Variants in SP140 observed in about 807,000 individuals in gnomAD.
The protein encoded by SP140 is nuclear body protein SP140.
In SP140, 81 loss-of-function variants were observed where a neutral mutation model predicts 125.0. The observed-to-expected ratio is 0.65, with a 90% CI of 0.54 to 0.78. The LOEUF (loss-of-function observed/expected upper bound fraction) is 0.78, where lower values mean the gene tolerates loss of function less well. Among genes scored for constraint, SP140 ranks in the 30% least tolerant of loss-of-function variants. The pLI is 0.00. For missense variants in SP140, 858 were observed against 1,037.0 expected, an observed-to-expected ratio of 0.83 and a Z score of 2.37; for synonymous variants, 312 against 354.0, an observed-to-expected ratio of 0.88 and a Z score of 1.33.
upstream of SP140, chr2:230,202,574 C>T: frequency 6.2e-7 from 1 of 1,613,794 alleles, no homozygotes. Flanking sequence ...CATCATCAGC[C>T]TTACCCTCTG....
At chr2:230,251,368 A>G (rs2050335986) in intron 10 of SP140, among the ~76,000 whole-genome samples, 1 of 152,172 alleles carries the variant, frequency 6.6e-6, no homozygotes, top group Non-Finnish European at 1.5e-5. Context: ...CATGCCTATT[A>G]ATACTGAAGC....
chr2:230,313,697 C>T (rs376849854), downstream of SP140, among the ~76,000 whole-genome samples: 2 of 152,162 alleles, frequency 1.3e-5, no homozygotes, highest in African/African-American at 2.4e-5. Flanking sequence ...CCCCAGGAAG[C>T]GAGCTCTGAG....
downstream of SP140, among the ~76,000 whole-genome samples, chr2:230,316,558 A>G (rs1467966921): frequency 6.6e-6 from 1 of 152,248 alleles, no homozygotes; most frequent in Non-Finnish European, 1.5e-5. Flanking sequence ...ATCAATAAAT[A>G]CAGCTCTACA....
upstream of SP140, among the ~76,000 whole-genome samples, chr2:230,221,370 A>G (rs1311834464): frequency 2.0e-5 from 3 of 152,236 alleles, no homozygotes; most frequent in African/African-American, 7.2e-5. Flanking sequence ...CTACCAGGAC[A>G]TCCACAAACT....
chr2:230,266,060 C>G (rs1349657244), intron 12 of SP140, among the ~76,000 whole-genome samples: 1 of 152,076 alleles, frequency 6.6e-6, no homozygotes, highest in Non-Finnish European at 1.5e-5. Flanking sequence ...ATATTTGGGT[C>G]AAATGTAGGG....
intron 15 of SP140, among the ~76,000 whole-genome samples, chr2:230,280,889 G>GT (rs551289485): frequency 2.9e-4 from 44 of 151,956 alleles, no homozygotes; most frequent in Non-Finnish European, 5.9e-4. Flanking sequence ...TAAATTCTTT[G>GT]TTTTTTCTAG....
upstream of SP140, among the ~76,000 whole-genome samples, chr2:230,225,228 T>C (rs10209615): frequency 0.13 from 20,410 of 152,238 alleles, 1,529 homozygotes; most frequent in Middle Eastern, 0.23. Flanking sequence ...ACCTCATTTC[T>C]CTGCCCAACC....
At chr2:230,272,700 A>C (rs1393093185) in intron 15 of SP140, among the ~76,000 whole-genome samples, 1 of 152,186 alleles carries the variant, frequency 6.6e-6, no homozygotes, top group African/African-American at 2.4e-5. Context: ...ATGAAAACAG[A>C]CTAATACAGT....
rs747707601 is a variant in SP140 at position 230,243,789 on chromosome 2, C to T, written c.549C>T (p.Ser183=). The change falls in exon 5 of 27, where the codon AGC becomes AGT. Residue 183 remains serine, a synonymous_variant. Transcript: ENST00000392045. ...DDIAVPQEAL[S]SSPRCEPGFS... ...TAGCAGTGCCTCAGGAAGCCTTGAG[C>T]TCCTCGCCAAGGTGTGAGCCAGGTA... 4 of 1,612,466 alleles carry T rather than the reference C, an allele frequency of 2.5e-6. No homozygotes were observed. The South Asian group carries it at 3.3e-5, about 13-fold the overall frequency.
chr2:230,249,349 CAG>C lies in SP140; in HGVS notation c.976+383_976+384del, dbSNP rs138495778. On this transcript the variant is annotated intron_variant, in intron 9 of 26. Coordinates refer to ENST00000392045, the MANE Select transcript of SP140 (RefSeq NM_007237.5). ...CCTACTTCCAGAAGGATCTGGAGCACAGACATGTTTTGTGAAAGACCGAAGGC... is the reference window on the plus strand; with the variant it reads ...CCTACTTCCAGAAGGATCTGGAGCACACATGTTTTGTGAAAGACCGAAGGC... Among the ~76,000 whole-genome samples, 47 of 152,242 alleles carry C rather than the reference CAG, an allele frequency of 3.1e-4. 1 individual carries two copies. The highest frequency in any genetic ancestry group is 1.1e-3 in the African/African-American group (45 of 41,550).
At position 230,214,854 on chromosome 2, in the gene SP140, G is replaced by A. The variant is rs370352339; in HGVS notation, c.-91+780G>A. ...CCATTCCACCCCAGAGAGAAGGCGG[G>A]GGATTAACGTGCATATTCCACAGGG... On this transcript the variant is annotated intron_variant, in intron 3 of 4. Transcript: ENST00000456542. 70 of 1,002,670 alleles carry A rather than the reference G, an allele frequency of 7.0e-5. No individual in the cohort carries two copies. In the African/African-American group the frequency reaches 9.4e-4, roughly 13 times the overall value. The allele number at this position is 1,002,670 out of a possible 1,614,324, so 62.1% of individuals were successfully genotyped here.
At chr2:230,243,879 T>C in intron 5 of SP140, 68 bp downstream of exon 5, 2 of 1,087,830 alleles carry the variant, frequency 1.8e-6, no homozygotes, top group Admixed American at 1.7e-5. Flanking sequence ...GAGCTGGTGT[T>C]TCCTAATGCA....
chr2:230,252,550 C>G (rs556058279), intron 10 of SP140, among the ~76,000 whole-genome samples: 5 of 152,128 alleles, frequency 3.3e-5, no homozygotes, highest in South Asian at 2.1e-4. Context: ...ATGTGTCAAG[C>G]ATGAAAATGA....
At chr2:230,241,264 G>GA (rs2048686947) in intron 3 of SP140, 140 bp from the exon 4 acceptor site, 3 of 653,754 alleles carry the variant, frequency 4.6e-6, no homozygotes, top group Admixed American at 2.8e-5. Flanking sequence ...GCCTCTCAAT[G>GA]AAAAAAAGGG....
chr2:230,315,506 C>G (rs1211315378), downstream of SP140, among the ~76,000 whole-genome samples: 1 of 152,110 alleles, frequency 6.6e-6, no homozygotes, highest in Non-Finnish European at 1.5e-5. Context: ...CAGAGCCACC[C>G]AGCAATCGTT....
At position 230,255,547 on chromosome 2, in the gene SP140, G is replaced by A. The variant is rs566176495; in HGVS notation, c.1240+15G>A. On this transcript the variant is annotated intron_variant, in intron 12 of 26. Transcript: ENST00000392045. ...ACGTGGGTCAGGTAAGGACGGGGGGGGGGATTTCTGGCCCTGGGCTGCAGA... is the reference window on the plus strand; with the variant it reads ...ACGTGGGTCAGGTAAGGACGGGGGGAGGGATTTCTGGCCCTGGGCTGCAGA... 360 of 1,610,164 alleles carry A rather than the reference G, an allele frequency of 2.2e-4. 3 individuals are homozygous for A. The East Asian group carries it at 7.2e-3, about 32-fold the overall frequency.
intron 15 of SP140, among the ~76,000 whole-genome samples, chr2:230,273,459 G>A (rs749818291): frequency 5.9e-5 from 9 of 152,190 alleles, no homozygotes; most frequent in Non-Finnish European, 1.0e-4. Flanking sequence ...TACTGACGAG[G>A]TTGTGGAGAA....
chr2:230,285,796 G>A lies in SP140; in HGVS notation c.1609G>A (p.Ala537Thr). The change falls in exon 17 of 27, where the codon GCG becomes ACG. Residue 537 changes from alanine (A) to threonine (T), a missense_variant. By Grantham distance (58) the Ala-to-Thr change is moderately conservative. This residue lies in a region of SP140 where 791 missense variants were observed against 869.5 expected (regional missense o/e 0.91). Coordinates refer to ENST00000392045, the MANE Select transcript of SP140 (RefSeq NM_007237.5). ...CCAGGTGGTCTCCAGTGAAAAGAAG[G>A]CGAACGTGAATCTGAAAGACCTTTC... The part of the protein sequence containing the change: ...DGQVVSSEKK[A>T]NVNLKDLSKI... 1 of 1,613,850 alleles carries A rather than the reference G, an allele frequency of 6.2e-7. No individual in the cohort carries two copies. The highest frequency in any genetic ancestry group is 1.7e-5 in the Admixed American group (1 of 60,024).
chr2:230,199,151 T>TAATTA, upstream of SP140, among the ~76,000 whole-genome samples: 1 of 112,860 alleles, frequency 8.9e-6, no homozygotes, highest in Non-Finnish European at 1.7e-5. Context: ...TATTATTATT[T>TAATTA]TTTTTTTTTT....
Sources: gnomAD v4.1 joint callset for allele counts (sites outside exome capture counted in the v4.1 genomes callset) on GRCh38, gnomAD v4.1.1 for gene constraint, gnomAD v4.1.1 regional missense constraint, MANE v1.5 for transcripts, NCBI Gene and HGNC (gene_info 2026-07-23, HGNC 2026-07-21) for gene names.